The following RASGRF1 variants were observed in gnomAD, a reference collection of about 807,000 sequenced individuals.
RASGRF1 encodes Ras protein specific guanine nucleotide releasing factor 1.
In RASGRF1, 40 loss-of-function variants were observed where a neutral mutation model predicts 138.7. The ratio of observed to expected loss-of-function variants is 0.29; its 90% confidence interval spans 0.22 to 0.38. The LOEUF is 0.38. RASGRF1 is among the 10% of genes least tolerant of loss of function. The probability of loss-of-function intolerance (pLI) is 1.00; values close to 1 mark genes in which losing one functional copy is unlikely to be tolerated. For missense variants in RASGRF1, 1,108 were observed against 1,650.4 expected (o/e 0.67, Z 5.69); for synonymous variants, 614 against 663.2 (o/e 0.93, Z 1.14).
chr15:79,039,814 G>A (rs2057272919), intron 5 of RASGRF1, among the ~76,000 whole-genome samples: 1 of 152,120 alleles, frequency 6.6e-6, no homozygotes, highest in Admixed American at 6.5e-5. Flanking sequence ...CTGTCCCCCA[G>A]ACTGGAGTAT....
chr15:78,992,265 C>T (rs550421415), intron 20 of RASGRF1, among the ~76,000 whole-genome samples: 1 of 152,338 alleles, frequency 6.6e-6, no homozygotes, highest in African/African-American at 2.4e-5. Flanking sequence ...GACTCCCAGG[C>T]GTGATTAGCT....
At chr15:79,012,579 G>C in intron 13 of RASGRF1, 1 of 1,611,752 alleles carries the variant, frequency 6.2e-7, no homozygotes, top group Non-Finnish European at 8.5e-7. Context: ...CCTTGAAGTT[G>C]TAAGTTTAAT....
intron 13 of RASGRF1, among the ~76,000 whole-genome samples, chr15:79,011,965 G>A (rs572559357): frequency 1.3e-5 from 2 of 150,836 alleles, no homozygotes; most frequent in African/African-American, 2.4e-5. Flanking sequence ...GCAGTGAGCC[G>A]AGATCACACG....
intron 1 of RASGRF1, among the ~76,000 whole-genome samples, chr15:79,075,698 C>CT (rs977898708): frequency 3.9e-5 from 6 of 152,180 alleles, no homozygotes; most frequent in Non-Finnish European, 7.3e-5. Flanking sequence ...GGGTGTGGCA[C>CT]TTTCAGTACT....
chr15:78,986,645 C>G (rs2056165239), intron 22 of RASGRF1, among the ~76,000 whole-genome samples: 1 of 151,916 alleles, frequency 6.6e-6, no homozygotes, highest in South Asian at 2.1e-4. Context: ...CCGCGCCCGG[C>G]CTTTGTGACT....
At chr15:79,018,568 G>A (rs2140976674) in intron 11 of RASGRF1, among the ~76,000 whole-genome samples, 1 of 152,326 alleles carries the variant, frequency 6.6e-6, no homozygotes, top group South Asian at 2.1e-4. Flanking sequence ...GTTCTGCTTT[G>A]CTCCAAAGCT....
intron 25 of RASGRF1, among the ~76,000 whole-genome samples, chr15:78,972,256 C>T (rs550201844): frequency 1.8e-4 from 27 of 151,952 alleles, no homozygotes; most frequent in South Asian, 1.0e-3. Context: ...CCACCACGCC[C>T]GGCTAATTTT....
At chr15:79,060,446 G>A (rs2057588544) in intron 2 of RASGRF1, among the ~76,000 whole-genome samples, 1 of 152,222 alleles carries the variant, frequency 6.6e-6, no homozygotes, top group Non-Finnish European at 1.5e-5. Context: ...TTGATCACCA[G>A]CTGCTCCTTT....
At position 79,045,179 on chromosome 15, in the gene RASGRF1, G is replaced by A. The variant is rs2218371; in HGVS notation, c.878+1567C>T. On this transcript the variant is annotated intron_variant, in intron 5 of 26. Transcript: ENST00000558480. ...AAGCCTCCCATTTTGGTGCCATCTGGGACCAGTAGCATCAGCAGCACCTGC... is the reference window on the plus strand; with the variant it reads ...AAGCCTCCCATTTTGGTGCCATCTGAGACCAGTAGCATCAGCAGCACCTGC... 9.2e-3 allele frequency among the ~76,000 whole-genome samples: 1,395 copies of A among 152,226 alleles called. 11 individuals are homozygous for A. Among genetic ancestry groups the A allele is most frequent in the African/African-American group, 0.033 (1,355 of 41,538 alleles).
intron 13 of RASGRF1, among the ~76,000 whole-genome samples, chr15:79,012,009 C>T (rs2056805420): frequency 6.6e-6 from 1 of 151,392 alleles, no homozygotes; most frequent in African/African-American, 2.4e-5. Flanking sequence ...GAGCGAGACC[C>T]TGTCTCAAAG....
chr15:79,011,565 G>A (rs1352446857), intron 13 of RASGRF1, among the ~76,000 whole-genome samples: 1 of 152,188 alleles, frequency 6.6e-6, no homozygotes, highest in Admixed American at 6.5e-5. Flanking sequence ...TGCAGAGAAA[G>A]GTGTAGCTGT....
In RASGRF1 at chr15:79,017,755, G is replaced by T; in HGVS notation, c.1743+15C>A. ...AAGGGACCACTCGCTTTCAGGAACAGGTGACGCTACTCACCTGGCTGATGT... is the reference window on the plus strand; with the variant it reads ...AAGGGACCACTCGCTTTCAGGAACATGTGACGCTACTCACCTGGCTGATGT... On this transcript the variant is annotated intron_variant, in intron 12 of 26. Transcript: ENST00000558480. 8 of 1,594,108 alleles carry T rather than the reference G, an allele frequency of 5.0e-6. No individual in the cohort carries two copies. The East Asian group carries it at 1.8e-4, about 36-fold the overall frequency.
At chr15:78,969,746 C>G (rs1226942343) in intron 26 of RASGRF1, among the ~76,000 whole-genome samples, 2 of 152,150 alleles carry the variant, frequency 1.3e-5, no homozygotes, top group African/African-American at 4.8e-5. Flanking sequence ...CCATTCCTCT[C>G]CCCTGCTTCA....
Position 78,973,420 on chromosome 15 carries a change from A to G in RASGRF1, c.3495T>C (p.Asn1165=). Residue 1165 remains asparagine (N), a splice_region_variant and synonymous_variant, in exon 25 of 27, where the codon AAT becomes AAC. Coordinates refer to ENST00000558480, the MANE Select transcript of RASGRF1 (RefSeq NM_001145648.3). This position sits in a 1 kb window ranked among gnomAD's most constrained non-coding sequence, Gnocchi z 4.9. ...GGTAAGGGACACAGGGTGGGTCACA[A>G]CTTGGAAGCAAACGGCATTAACACA... is the stretch of plus-strand genomic sequence containing the variant. ...RFKNLREALK[N]CDPPCVPYLG... The G allele has an allele frequency of 6.3e-7, 1 of 1,592,180 alleles. No individual in the cohort carries two copies. Among genetic ancestry groups the G allele is most frequent in the Non-Finnish European group, 8.6e-7 (1 of 1,165,186 alleles).
At chr15:78,978,218 T>TTC (rs2055917706) in intron 24 of RASGRF1, among the ~76,000 whole-genome samples, 7 of 64,086 alleles carry the variant, frequency 1.1e-4, no homozygotes, top group African/African-American at 3.4e-4. Flanking sequence ...TTCTTTTCTT[T>TTC]TGTTTTTTTT....
chr15:78,992,148 T>G (rs2056283234), intron 20 of RASGRF1, among the ~76,000 whole-genome samples: 1 of 152,262 alleles, frequency 6.6e-6, no homozygotes, highest in Non-Finnish European at 1.5e-5. Context: ...TGACTAGGAC[T>G]GGAGCCCAGG....
intron 1 of RASGRF1, among the ~76,000 whole-genome samples, chr15:79,076,641 G>A (rs561317889): frequency 1.3e-5 from 2 of 152,328 alleles, no homozygotes; most frequent in East Asian, 3.9e-4. Context: ...AGTGGCAAGA[G>A]GTGGTGATGG....
At chr15:79,061,675 A>T (rs1437590661) in intron 2 of RASGRF1, among the ~76,000 whole-genome samples, 1 of 152,050 alleles carries the variant, frequency 6.6e-6, no homozygotes, top group East Asian at 1.9e-4. Flanking sequence ...ACCAAATATC[A>T]TGTACTATTT....
chr15:78,967,027 G>T (rs1429248852), intron 26 of RASGRF1, among the ~76,000 whole-genome samples: 5 of 152,114 alleles, frequency 3.3e-5, no homozygotes, highest in African/African-American at 1.2e-4. Context: ...ATGAGGCTGG[G>T]AATGGTGGCT....
Sources: allele counts gnomAD v4.1 joint callset (sites outside exome capture counted in the v4.1 genomes callset), GRCh38; gene constraint gnomAD v4.1.1; non-coding constraint Gnocchi (gnomAD v3.1); transcripts MANE v1.5; gene names NCBI Gene and HGNC (gene_info 2026-07-23, HGNC 2026-07-21).